Variants in CCDC178 observed in about 807,000 individuals in gnomAD.
CCDC178 encodes coiled-coil domain-containing protein 178.
CCDC178 carries 126 observed loss-of-function variants against 117.4 expected under a neutral mutation model. The ratio of observed to expected loss-of-function variants is 1.07; its 90% confidence interval spans 0.93 to 1.24. The LOEUF is 1.24. Ranked by LOEUF, CCDC178 falls within the 50% of genes most tolerant of loss-of-function variation. The probability of loss-of-function intolerance (pLI) is 0.00; values close to 1 mark genes in which losing one functional copy is unlikely to be tolerated. For missense variants in CCDC178, 1,030 were observed against 986.9 expected (o/e 1.04, Z -0.59); for synonymous variants, 283 against 313.4 (o/e 0.90, Z 1.02).
At chr18:33,140,309 C>A (rs984101184) in intron 20 of CCDC178, among the ~76,000 whole-genome samples, 3 of 152,082 alleles carry the variant, frequency 2.0e-5, no homozygotes. Flanking sequence ...GGGCCACCAT[C>A]CTCCAGACCC....
In CCDC178 at chr18:33,180,263, G is replaced by T. The variant is rs568022381; in HGVS notation, c.2238+31633C>A. On this transcript the variant is annotated intron_variant, in intron 20 of 22. Coordinates refer to ENST00000383096, the MANE Select transcript of CCDC178 (RefSeq NM_001105528.4). ...TAGGTATCTTATTTTTTCTATTTAT[G>T]TATAACTAAGTCCTTCTTTATATCC... 2.5e-3 allele frequency among the ~76,000 whole-genome samples: 376 copies of T among 151,718 alleles called. 4 individuals carry two copies. Among genetic ancestry groups the T allele is most frequent in the African/African-American group, 8.7e-3 (360 of 41,470 alleles).
intron 2 of CCDC178, among the ~76,000 whole-genome samples, chr18:33,437,397 T>C (rs2064307008): frequency 6.6e-6 from 1 of 152,192 alleles, no homozygotes; most frequent in African/African-American, 2.4e-5. Flanking sequence ...TGTTCAACCA[T>C]ATTGTTGCCC....
intron 21 of CCDC178, among the ~76,000 whole-genome samples, chr18:33,087,510 AGT>A (rs761523932): frequency 4.8e-4 from 72 of 148,908 alleles, no homozygotes; most frequent in African/African-American, 1.7e-3. Context: ...CTTTAGAACA[AGT>A]GTGTGTGTGT....
intron 21 of CCDC178, among the ~76,000 whole-genome samples, chr18:32,995,076 T>C (rs1446858669): frequency 6.6e-6 from 1 of 152,208 alleles, no homozygotes; most frequent in African/African-American, 2.4e-5. Flanking sequence ...TTGCACTGGA[T>C]CAGCCATTGT....
chr18:33,222,402 T>C (rs2059247848), intron 18 of CCDC178, among the ~76,000 whole-genome samples: 1 of 151,994 alleles, frequency 6.6e-6, no homozygotes, highest in South Asian at 2.1e-4. Context: ...ATGAGTACTT[T>C]ATAAACCATA....
rs561725299 is a variant in CCDC178, at chr18:33,143,052, C to T, written c.2239-50142G>A. Among the ~76,000 whole-genome samples, 12 of 151,952 alleles carry T rather than the reference C, an allele frequency of 7.9e-5. No homozygotes were observed. In the East Asian group the frequency reaches 2.3e-3, roughly 29 times the overall value. On this transcript the variant is annotated intron_variant, in intron 20 of 22. Transcript: ENST00000383096. ...TCCACGGGTTACAGAAAACATGGCA[C>T]AAAGAAAAGGGCACAGTATTAAGAT...
At chr18:33,198,412 T>C (rs271529) in intron 20 of CCDC178, among the ~76,000 whole-genome samples, 24,756 of 152,074 alleles carry the variant, frequency 0.16, 2,791 homozygotes, top group African/African-American at 0.32. Context: ...CTTATGAACA[T>C]TATAATCCTG....
chr18:33,325,288 T>C (rs1053479964), intron 10 of CCDC178, among the ~76,000 whole-genome samples: 1 of 151,996 alleles, frequency 6.6e-6, no homozygotes, highest in Non-Finnish European at 1.5e-5. Context: ...TAAAATTCTG[T>C]TTTTTAATCA....
chr18:32,983,187 A>T, intron 21 of CCDC178: 1 of 695,078 alleles, frequency 1.4e-6, no homozygotes, highest in South Asian at 1.8e-5. Context: ...AATTGGGAGT[A>T]GGTACATGGT....
At chr18:32,992,632 A>T (rs2055417705) in intron 21 of CCDC178, among the ~76,000 whole-genome samples, 1 of 152,204 alleles carries the variant, frequency 6.6e-6, no homozygotes, top group Non-Finnish European at 1.5e-5. Context: ...TATATTTCAA[A>T]ATTGCTAAAG....
chr18:33,294,400 T>C (rs934285171), intron 11 of CCDC178, among the ~76,000 whole-genome samples: 1 of 152,302 alleles, frequency 6.6e-6, no homozygotes, highest in African/African-American at 2.4e-5. Context: ...AACGTTTATA[T>C]GTAATAAACT....
chr18:33,196,622 T>C (rs886698993), intron 20 of CCDC178, among the ~76,000 whole-genome samples: 12 of 152,128 alleles, frequency 7.9e-5, no homozygotes, highest in Non-Finnish European at 1.8e-4. Flanking sequence ...TTTTAACTTC[T>C]GGATGTTATG....
chr18:33,310,875 G>A (rs1011518172), intron 11 of CCDC178, among the ~76,000 whole-genome samples: 10 of 152,020 alleles, frequency 6.6e-5, no homozygotes, highest in Non-Finnish European at 1.0e-4. Context: ...CCTACCAATC[G>A]CCCTTGGACT....
At chr18:33,051,691 A>C (rs2056750374) in intron 21 of CCDC178, among the ~76,000 whole-genome samples, 1 of 152,210 alleles carries the variant, frequency 6.6e-6, no homozygotes, top group Non-Finnish European at 1.5e-5. Context: ...ATGCTTTCCA[A>C]GACAGCCAGA....
intron 20 of CCDC178, among the ~76,000 whole-genome samples, chr18:33,156,700 C>T (rs2058402942): frequency 6.8e-6 from 1 of 147,392 alleles, no homozygotes; most frequent in Non-Finnish European, 1.5e-5. Context: ...TGAATTGTTT[C>T]AGATGCTGTA....
chr18:33,375,477 G>T (rs1209336520), intron 5 of CCDC178, among the ~76,000 whole-genome samples: 1 of 152,112 alleles, frequency 6.6e-6, no homozygotes, highest in Non-Finnish European at 1.5e-5. Flanking sequence ...GGCATTGAGA[G>T]TAAGGAAGGG....
rs71159815 is a variant in CCDC178 at position 33,306,412 on chromosome 18, TTGTGTGTGTGTG to T, written c.1023-13112_1023-13101del. Among the ~76,000 whole-genome samples the T allele has an allele frequency of 1.6e-3, 204 of 126,224 alleles. 1 individual carries two copies. The highest frequency in any genetic ancestry group is 5.3e-3 in the African/African-American group (177 of 33,240). The allele number at this position is 126,224 out of a possible 152,430, so 82.8% of individuals were successfully genotyped here. On this transcript the variant is annotated intron_variant, in intron 11 of 22. Coordinates refer to ENST00000383096, the MANE Select transcript of CCDC178 (RefSeq NM_001105528.4). ...GTCCAAGGTAACAGCTATTGGATCT[TTGTGTGTGTGTG>T]TGTGTGTGTGTGTGTGTGTGTGTGT...
chr18:33,183,423 A>C (rs2058753807), intron 20 of CCDC178, among the ~76,000 whole-genome samples: 1 of 152,068 alleles, frequency 6.6e-6, no homozygotes, highest in Non-Finnish European at 1.5e-5. Context: ...CCCTCATCAG[A>C]CAAGTAGCTC....
chr18:33,160,157 C>T (rs1029458901), intron 20 of CCDC178, among the ~76,000 whole-genome samples: 10 of 152,074 alleles, frequency 6.6e-5, no homozygotes, highest in Non-Finnish European at 1.0e-4. Flanking sequence ...GCTTCAATGA[C>T]TCAAGATAGC....
Sources: allele counts gnomAD v4.1 joint callset (sites outside exome capture counted in the v4.1 genomes callset), GRCh38; gene constraint gnomAD v4.1.1; transcripts MANE v1.5; gene names NCBI Gene and HGNC (gene_info 2026-07-23, HGNC 2026-07-21).